TRPC6: variants seen among roughly 807,000 people sequenced by gnomAD.
TRPC6 encodes transient receptor potential cation channel subfamily C member 6, also known as short transient receptor potential channel 6.
TRPC6 carries 55 observed loss-of-function variants against 90.7 expected under a neutral mutation model. The observed-to-expected ratio is 0.61, with a 90% confidence interval of 0.49 to 0.76. The LOEUF (loss-of-function observed/expected upper bound fraction) is 0.76, where lower values mean the gene tolerates loss of function less well. TRPC6 is among the 30% of genes least tolerant of loss of function. The pLI, the probability that TRPC6 is intolerant of heterozygous loss-of-function variation, is 0.00. For missense variants in TRPC6, 989 were observed against 1,122.7 expected (o/e 0.88, Z 1.70); for synonymous variants, 393 against 393.0 (o/e 1.00, Z 0.00).
In TRPC6 at chr11:101,463,284, T is replaced by C. The variant is rs147646571; in HGVS notation, c.2484+6143A>G. Among the ~76,000 whole-genome samples the C allele has an allele frequency of 4.6e-5, 7 of 152,318 alleles. No homozygotes were observed. In the East Asian group the frequency reaches 1.3e-3, roughly 29 times the overall value. ...CCTGAAATTTTCTTTTTCTGTTGCG[T>C]CTCTGCTAGGTTTTTGTAACAGGAT... On this transcript the variant is annotated intron_variant, in intron 10 of 12. Coordinates refer to ENST00000344327, the MANE Select transcript of TRPC6 (RefSeq NM_004621.6).
chr11:101,539,757 T>C (rs1861129940), intron 1 of TRPC6, among the ~76,000 whole-genome samples: 1 of 152,220 alleles, frequency 6.6e-6, no homozygotes, highest in Non-Finnish European at 1.5e-5. Context: ...CTAATGGCAA[T>C]TGTCTTTATA....
In TRPC6 at chr11:101,583,959, G is replaced by T. The variant is rs1174424961; in HGVS notation, c.-456C>A. 2 of 156,510 alleles carry T rather than the reference G, an allele frequency of 1.3e-5. No individual in the cohort carries two copies. The highest frequency in any genetic ancestry group is 2.8e-5 in the Non-Finnish European group (2 of 71,074). The allele number at this position is 156,510 out of a possible 1,614,324, so 9.7% of individuals were successfully genotyped here. On this transcript the variant is annotated 5_prime_UTR_variant, in exon 1 of 13. Coordinates refer to ENST00000344327, the MANE Select transcript of TRPC6 (RefSeq NM_004621.6). ...TTAAAGGGATCCGAGCGACGTTCTA[G>T]AAAGCAGCCAAAGCCTGTCCTGTAG...
chr11:101,498,774 C>T (rs1860016388), intron 2 of TRPC6, among the ~76,000 whole-genome samples: 1 of 151,538 alleles, frequency 6.6e-6, no homozygotes, highest in South Asian at 2.1e-4. Flanking sequence ...AATCAATTTG[C>T]AGATCTCCAC....
intron 2 of TRPC6, among the ~76,000 whole-genome samples, chr11:101,499,264 G>A (rs1860030715): frequency 6.6e-6 from 1 of 151,962 alleles, no homozygotes; most frequent in African/African-American, 2.4e-5. Context: ...AACAGGCAAG[G>A]CAGAAAAGCT....
At chr11:101,562,756 C>T (rs1436581775) in intron 1 of TRPC6, among the ~76,000 whole-genome samples, 1 of 152,058 alleles carries the variant, frequency 6.6e-6, no homozygotes, top group Admixed American at 6.6e-5. Flanking sequence ...AGAATAAGCC[C>T]TAAGAATATA....
intron 1 of TRPC6, among the ~76,000 whole-genome samples, chr11:101,505,493 G>A (rs745413072): frequency 6.6e-6 from 1 of 152,164 alleles, no homozygotes; most frequent in African/African-American, 2.4e-5. Flanking sequence ...GGGTGAGACA[G>A]GGGTTAGGTA....
chr11:101,561,616 T>C (rs1320150017), intron 1 of TRPC6, among the ~76,000 whole-genome samples: 3 of 152,048 alleles, frequency 2.0e-5, no homozygotes, highest in African/African-American at 7.2e-5. Flanking sequence ...GCACTGACAG[T>C]GTAGGCTGGG....
chr11:101,527,830 T>C (rs1026986183), intron 1 of TRPC6, among the ~76,000 whole-genome samples: 2 of 152,112 alleles, frequency 1.3e-5, no homozygotes, highest in Admixed American at 1.3e-4. Flanking sequence ...TCCCAGCACT[T>C]TGGGAGGCCA....
intron 4 of TRPC6, among the ~76,000 whole-genome samples, chr11:101,484,242 A>G (rs1300984381): frequency 6.6e-6 from 1 of 152,176 alleles, no homozygotes; most frequent in African/African-American, 2.4e-5. Flanking sequence ...AAGTCCAGAA[A>G]CTTGTTCAAG....
rs1862254427 is a variant in TRPC6, at chr11:101,583,555, C to T, written c.-52G>A. On this transcript the variant is annotated 5_prime_UTR_variant, in exon 1 of 13. Coordinates refer to ENST00000344327, the MANE Select transcript of TRPC6 (RefSeq NM_004621.6). ...CCCGCTCCCGGGGGAGCCGAGTGGG[C>T]AGTTCCAGCGGGGACCCGGTGCGGA... The T allele has an allele frequency of 1.4e-6, 2 of 1,408,236 alleles. No homozygotes were observed. The highest frequency in any genetic ancestry group is 1.8e-6 in the Non-Finnish European group (2 of 1,086,698). 87.2% of individuals were successfully genotyped at this position (1,408,236 alleles called of 1,614,324 possible). A position where few individuals can be genotyped will look rare whatever the true frequency, so the allele number is the denominator to read the frequency against.
At chr11:101,497,312 T>A (rs2136720604) in intron 2 of TRPC6, among the ~76,000 whole-genome samples, 1 of 152,354 alleles carries the variant, frequency 6.6e-6, no homozygotes, top group East Asian at 1.9e-4. Context: ...GGAGCTGTGA[T>A]TCTGCCTCGC....
intron 1 of TRPC6, among the ~76,000 whole-genome samples, chr11:101,551,399 G>A (rs1861446328): frequency 1.3e-5 from 2 of 151,816 alleles, no homozygotes; most frequent in Non-Finnish European, 2.9e-5. Context: ...CAAAAAGAAG[G>A]CCAAAAAATA....
intron 1 of TRPC6, among the ~76,000 whole-genome samples, chr11:101,527,796 A>G (rs1343007326): frequency 6.6e-6 from 1 of 152,142 alleles, no homozygotes; most frequent in Non-Finnish European, 1.5e-5. Flanking sequence ...TTTGTCAGCC[A>G]GGCACAGTGG....
chr11:101,532,329 G>C (rs555021312), intron 1 of TRPC6, among the ~76,000 whole-genome samples: 18 of 152,300 alleles, frequency 1.2e-4, no homozygotes, highest in Admixed American at 7.8e-4. Context: ...CAGATAAAAT[G>C]CATATCTGGT....
intron 1 of TRPC6, among the ~76,000 whole-genome samples, chr11:101,566,586 G>A (rs569590448): frequency 4.6e-5 from 7 of 152,322 alleles, no homozygotes; most frequent in Admixed American, 1.3e-4. Flanking sequence ...CATCAAGGTT[G>A]CTGGCAAGAT....
chr11:101,479,284 G>A (rs951338540), intron 5 of TRPC6, among the ~76,000 whole-genome samples: 4 of 152,342 alleles, frequency 2.6e-5, no homozygotes, highest in East Asian at 3.9e-4. Context: ...GCCCAGGACT[G>A]CATCTGCTTT....
At chr11:101,577,437 A>G (rs10791506) in intron 1 of TRPC6, among the ~76,000 whole-genome samples, 149,886 of 152,308 alleles carry the variant, frequency 0.98, 73,794 homozygotes, top group East Asian at 1. Context: ...ACACTTCTGT[A>G]GGTCAGTGGT....
chr11:101,467,727 C>T (rs1276102097), intron 10 of TRPC6, among the ~76,000 whole-genome samples: 1 of 152,098 alleles, frequency 6.6e-6, no homozygotes, highest in Non-Finnish European at 1.5e-5. Context: ...CACATATGGT[C>T]TCTCTCACAT....
At chr11:101,563,151 T>A (rs944983653) in intron 1 of TRPC6, among the ~76,000 whole-genome samples, 1 of 152,190 alleles carries the variant, frequency 6.6e-6, no homozygotes, top group Non-Finnish European at 1.5e-5. Flanking sequence ...GAGTGCTCAA[T>A]ACCGGTGGTG....
Sources: allele counts gnomAD v4.1 joint callset (sites outside exome capture counted in the v4.1 genomes callset), GRCh38; gene constraint gnomAD v4.1.1; transcripts MANE v1.5; gene names NCBI Gene and HGNC (gene_info 2026-07-23, HGNC 2026-07-21).